RAD51AP2: variants seen among roughly 807,000 people sequenced by gnomAD.
The protein encoded by RAD51AP2 is RAD51-associated protein 2.
RAD51AP2 carries 67 observed loss-of-function variants against 85.5 expected under a neutral mutation model. That is an observed-to-expected ratio of 0.78 (90% CI 0.64 to 0.96). The LOEUF is 0.96. RAD51AP2 is among the 40% of genes least tolerant of loss of function. The probability of loss-of-function intolerance (pLI) is 0.00; values close to 1 mark genes in which losing one functional copy is unlikely to be tolerated. For synonymous variants in RAD51AP2, 474 were observed against 446.5 expected (o/e 1.06, Z -0.78); for missense variants, 1,307 against 1,332.4 (o/e 0.98, Z 0.30).
At chr2:17,533,421 C>T in the RAD51AP2 span, among the ~76,000 whole-genome samples, 1 of 152,184 alleles carries the variant, frequency 6.6e-6, no homozygotes, top group African/African-American at 2.4e-5. Context: ...TTACCTTCTC[C>T]AATATACATA....
At position 17,515,582 on chromosome 2, in the gene RAD51AP2, T is replaced by G. The variant is rs1179249373; in HGVS notation, c.2834A>C (p.Asp945Ala). Residue 945 changes from aspartate to alanine, a missense_variant, in exon 1 of 3, where the codon GAC becomes GCC. Physicochemically the swap from Asp to Ala is moderately radical, Grantham distance 126 (BLOSUM62 -2). Transcript: ENST00000399080. ...TGTTGATAAATATTTAGCAGCTAAG[T>G]CCTGAAAACATTCATCATTCCCTTC... ...LSEGNDECFQ[D>A]LAAKYLSTEA... 1 of 1,609,982 alleles carries G rather than the reference T, an allele frequency of 6.2e-7. No homozygotes were observed. The highest frequency in any genetic ancestry group is 1.7e-5 in the Admixed American group (1 of 59,360).
chr2:17,514,735 A>G (rs1662597780), intron 1 of RAD51AP2, among the ~76,000 whole-genome samples: 2 of 152,084 alleles, frequency 1.3e-5, no homozygotes, highest in African/African-American at 4.8e-5. Flanking sequence ...GTGCCACTGC[A>G]CTCCAGCCTG....
the RAD51AP2 span, among the ~76,000 whole-genome samples, chr2:17,533,579 G>A: frequency 8.5e-5 from 13 of 152,084 alleles, no homozygotes; most frequent in African/African-American, 2.9e-4. Context: ...CTCTAGTTAT[G>A]ACTCTTCTAG....
the RAD51AP2 span, among the ~76,000 whole-genome samples, chr2:17,536,189 A>G: frequency 1.3e-5 from 2 of 152,206 alleles, no homozygotes; most frequent in Non-Finnish European, 2.9e-5. Context: ...ACAAGTCAGT[A>G]AGATCTGCTT....
At chr2:17,529,886 C>T in the RAD51AP2 span, among the ~76,000 whole-genome samples, 1 of 152,270 alleles carries the variant, frequency 6.6e-6, no homozygotes, top group Admixed American at 6.5e-5. Context: ...TTGAGTGGAG[C>T]TCTAGGAACA....
Position 17,516,499 on chromosome 2 carries a change from T to C in RAD51AP2, c.1917A>G (p.Leu639=). Residue 639 remains leucine, a synonymous_variant, in exon 1 of 3, where the codon TTA becomes TTG. Coordinates refer to ENST00000399080, the MANE Select transcript of RAD51AP2 (RefSeq NM_001099218.3). ...TTAACATAGGTTTCATATTATCTTC[T>C]AATAGTCTTGAAGAAGTTAAAATCT... ...LVKILTSSRL[L]EDNMKPMLKK... The C allele has an allele frequency of 1.3e-6, 2 of 1,538,720 alleles. No homozygotes were observed. The highest frequency in any genetic ancestry group is 1.4e-5 in the African/African-American group (1 of 72,426).
intron 2 of RAD51AP2, among the ~76,000 whole-genome samples, chr2:17,511,794 A>G (rs1662500934): frequency 1.3e-5 from 2 of 152,216 alleles, no homozygotes; most frequent in Non-Finnish European, 2.9e-5. Flanking sequence ...AACTTTAATG[A>G]AGTAGAATAC....
chr2:17,536,861 T>G, the RAD51AP2 span, among the ~76,000 whole-genome samples: 1 of 152,174 alleles, frequency 6.6e-6, no homozygotes, highest in African/African-American at 2.4e-5. Flanking sequence ...TTTTTTTCAG[T>G]ATTTTAGAAA....
In RAD51AP2 at chr2:17,517,995, C is replaced by T. The variant is rs1285879190; in HGVS notation, c.421G>A (p.Glu141Lys). ...TTACTGCGGTGCACACTGAAAGCCT[C>T]TCTGTCATGCAGGCCTGCCTCAGAC... The part of the protein sequence containing the change: ...GRSEAGLHDR[E>K]AFSVHRSNSS... Residue 141 changes from glutamate to lysine, a missense_variant, in exon 1 of 3, where the codon GAG becomes AAG. Physicochemically the swap from Glu to Lys is moderately conservative, Grantham distance 56 (BLOSUM62 1). Transcript: ENST00000399080. 1.9e-6 allele frequency: 3 copies of T among 1,614,098 alleles called. No individual in the cohort carries two copies. The highest frequency in any genetic ancestry group is 3.3e-5 in the Admixed American group (2 of 60,006).
intron 2 of RAD51AP2, 151 bp downstream of exon 2, chr2:17,513,861 A>C: frequency 1.9e-6 from 1 of 519,186 alleles, no homozygotes; most frequent in Non-Finnish European, 3.4e-6. Context: ...TAATTATTAG[A>C]ATTTATCAGT....
At chr2:17,514,692 C>T (rs2103306706) in intron 1 of RAD51AP2, among the ~76,000 whole-genome samples, 1 of 152,190 alleles carries the variant, frequency 6.6e-6, no homozygotes, top group Middle Eastern at 3.4e-3. Context: ...ATCACTTGAA[C>T]CCAGGAGGCA....
Position 17,516,020 on chromosome 2 carries a change from T to C in RAD51AP2, c.2396A>G (p.Asn799Ser), listed in dbSNP as rs1662651776. The part of the protein sequence containing the change: ...VRQQAIPASH[N>S]IIHNEETHTT... ...ATGGGTCTCTTCATTATGTATTATG[T>C]TGTGGCTTGCTGGTATGGCCTGTTG... Residue 799 changes from asparagine (N) to serine (S), a missense_variant, in exon 1 of 3, where the codon AAC (asparagine) becomes AGC (serine). Transcript: ENST00000399080. The C allele has an allele frequency of 2.5e-6, 4 of 1,613,884 alleles. No homozygotes were observed. Among genetic ancestry groups the C allele is most frequent in the Non-Finnish European group, 3.4e-6 (4 of 1,179,822 alleles).
In RAD51AP2 at chr2:17,510,957, TAA is replaced by T; in HGVS notation, c.3329-4_3329-3del. 1 of 1,582,654 alleles carries T rather than the reference TAA, an allele frequency of 6.3e-7. No homozygotes were observed. The highest frequency in any genetic ancestry group is 8.6e-7 in the Non-Finnish European group (1 of 1,166,894). ...AAATGCCATGTGGAAAGTGACTACC[TAA>T]AAATATAAGACAATAAAAGTAAAAA... is the stretch of plus-strand genomic sequence containing the variant. On this transcript the variant is annotated splice_region_variant and splice_polypyrimidine_tract_variant and intron_variant, in intron 2 of 2. Coordinates refer to ENST00000399080, the MANE Select transcript of RAD51AP2 (RefSeq NM_001099218.3).
chr2:17,524,945 T>C, the RAD51AP2 span, among the ~76,000 whole-genome samples: 2 of 151,244 alleles, frequency 1.3e-5, no homozygotes, highest in Non-Finnish European at 3.0e-5. Context: ...CTCAGGAGAG[T>C]AGTTTCAACC....
Position 17,517,882 on chromosome 2 carries a change from CTG to C in RAD51AP2, c.532_533del (p.Gln178ValfsTer24), listed in dbSNP as rs1558267337. The C allele has an allele frequency of 2.5e-6, 4 of 1,614,082 alleles. No individual in the cohort carries two copies. The highest frequency in any genetic ancestry group is 1.7e-5 in the Admixed American group (1 of 60,018). ...HGIRNENRKQ[Q>X]FVQGRDNVHK... ...GAACATTGTCTCTTCCTTGGACAAA[CTG>C]TTGTTTTCGATTCTCATTTCTAATT... On this transcript the variant is annotated frameshift_variant, in exon 1 of 3. Transcript: ENST00000399080. LOFTEE classifies it high-confidence loss of function.
the RAD51AP2 span, among the ~76,000 whole-genome samples, chr2:17,532,501 C>T: frequency 3.3e-5 from 5 of 151,852 alleles, no homozygotes; most frequent in Middle Eastern, 3.2e-3. Flanking sequence ...GGCAACATAA[C>T]GAGACCCCCA....
At chr2:17,513,237 C>CTTTTTT (rs11394351) in intron 2 of RAD51AP2, among the ~76,000 whole-genome samples, 4 of 111,210 alleles carry the variant, frequency 3.6e-5, no homozygotes, top group Non-Finnish European at 5.3e-5. Context: ...TTAGTGTGTG[C>CTTTTTT]TTTTTTTTTT....
chr2:17,514,186 C>A (rs148808045), intron 1 of RAD51AP2, 94 bp from the exon 2 acceptor site: 56 of 775,554 alleles, frequency 7.2e-5, no homozygotes, highest in Non-Finnish European at 1.2e-4. Context: ...ATATTTCCTT[C>A]AGTTGGCTCC....
intron 1 of RAD51AP2, among the ~76,000 whole-genome samples, chr2:17,514,416 A>G (rs971872610): frequency 4.6e-5 from 7 of 152,178 alleles, no homozygotes; most frequent in African/African-American, 1.7e-4. Flanking sequence ...ACAGACTCCA[A>G]CTGTACAAGA....
Sources: gnomAD v4.1 joint callset for allele counts (sites outside exome capture counted in the v4.1 genomes callset) on GRCh38, gnomAD v4.1.1 for gene constraint, MANE v1.5 for transcripts, NCBI Gene and HGNC (gene_info 2026-07-23, HGNC 2026-07-21) for gene names.